HIPK2: variants seen among roughly 807,000 people sequenced by gnomAD.
The protein encoded by HIPK2 is homeodomain interacting protein kinase 2, also known as homeodomain-interacting protein kinase 2.
Under a neutral mutation model 113.7 loss-of-function variants are expected in HIPK2, and 27 were observed. The observed-to-expected ratio is 0.24, with a 90% CI of 0.17 to 0.33. The LOEUF (loss-of-function observed/expected upper bound fraction) is 0.33. Ranked by LOEUF, HIPK2 falls within the 10% of genes least tolerant of loss-of-function variation. The pLI, the probability that HIPK2 is intolerant of heterozygous loss-of-function variation, is 1.00. For synonymous variants in HIPK2, 631 were observed against 642.2 expected (o/e 0.98, Z 0.26); for missense variants, 1,257 against 1,588.0 (o/e 0.79, Z 3.54).
chr7:139,706,955 G>A (rs1377869108), intron 2 of HIPK2, among the ~76,000 whole-genome samples: 1 of 152,160 alleles, frequency 6.6e-6, no homozygotes, highest in Non-Finnish European at 1.5e-5. Flanking sequence ...CTCTGACCCT[G>A]CTCAAGCCCA....
intron 12 of HIPK2, among the ~76,000 whole-genome samples, chr7:139,589,380 T>C (rs1375037903): frequency 2.0e-5 from 3 of 150,818 alleles, no homozygotes; most frequent in African/African-American, 7.4e-5. Flanking sequence ...CCTTAGGATC[T>C]GAGTAGTTTA....
chr7:139,641,992 G>T (rs1801042898), intron 2 of HIPK2, among the ~76,000 whole-genome samples: 1 of 152,196 alleles, frequency 6.6e-6, no homozygotes, highest in African/African-American at 2.4e-5. Context: ...GGCAGCTTAT[G>T]AAGATAAATT....
At chr7:139,682,646 T>C (rs574535355) in intron 2 of HIPK2, among the ~76,000 whole-genome samples, 2 of 152,354 alleles carry the variant, frequency 1.3e-5, no homozygotes, top group East Asian at 3.9e-4. Flanking sequence ...CACCATGTCC[T>C]GCCACACAGT....
chr7:139,684,706 G>C (rs138954156), intron 2 of HIPK2, among the ~76,000 whole-genome samples: 154 of 152,150 alleles, frequency 1.0e-3, no homozygotes, highest in African/African-American at 3.4e-3. Context: ...AACAGAGAGA[G>C]ACTGTCTTAA....
At chr7:139,705,235 A>G (rs1442645672) in intron 2 of HIPK2, among the ~76,000 whole-genome samples, 1 of 152,254 alleles carries the variant, frequency 6.6e-6, no homozygotes, top group African/African-American at 2.4e-5. Context: ...GAGGCTGGGG[A>G]AAGCATGGTG....
intron 10 of HIPK2, among the ~76,000 whole-genome samples, chr7:139,603,191 T>G (rs1197031030): frequency 6.6e-6 from 1 of 150,824 alleles, no homozygotes; most frequent in Non-Finnish European, 1.5e-5. Context: ...GAATAAGAAC[T>G]GTGGGAGGTT....
At chr7:139,632,326 T>C (rs1237863260) in intron 2 of HIPK2, among the ~76,000 whole-genome samples, 1 of 152,252 alleles carries the variant, frequency 6.6e-6, no homozygotes, top group African/African-American at 2.4e-5. Context: ...CGAGGTATTC[T>C]ATCTTCAGGA....
At position 139,716,127 on chromosome 7, in the gene HIPK2, G is replaced by A; in HGVS notation, c.908C>T (p.Pro303Leu). The change falls in exon 2 of 15, where the codon CCA (proline) becomes CTA (leucine). Residue 303 changes from proline to leucine, a missense_variant. Coordinates refer to ENST00000406875, the MANE Select transcript of HIPK2 (RefSeq NM_022740.5). This position sits in a 1 kb window ranked among gnomAD's most constrained non-coding sequence, Gnocchi z 9.3. ...FSPLPLKYIR[P>L]VLQQVATALM... The stretch of plus-strand genomic sequence containing the variant: ...GGCTGTGGCTACCTGCTGGAGAACT[G>A]GGCGAATGTATTTGAGGGGCAAGGG... 6.2e-7 allele frequency: 1 copy of A among 1,614,034 alleles called. No individual in the cohort carries two copies. The highest frequency in any genetic ancestry group is 8.5e-7 in the Non-Finnish European group (1 of 1,179,932).
intron 12 of HIPK2, among the ~76,000 whole-genome samples, chr7:139,588,121 C>T (rs1798898261): frequency 6.6e-6 from 1 of 151,864 alleles, no homozygotes; most frequent in Admixed American, 6.6e-5. Flanking sequence ...AGTTCGACAC[C>T]AGCCTGGCCA....
intron 2 of HIPK2, among the ~76,000 whole-genome samples, chr7:139,700,628 A>G (rs1381623956): frequency 6.6e-6 from 1 of 152,182 alleles, no homozygotes; most frequent in Non-Finnish European, 1.5e-5. Flanking sequence ...TCAATCTATA[A>G]ATGATATTTC....
chr7:139,751,590 AGATGGATGGATGGATGGATG>A (rs36202472), intron 1 of HIPK2, among the ~76,000 whole-genome samples: 2 of 145,986 alleles, frequency 1.4e-5, no homozygotes, highest in Non-Finnish European at 3.0e-5. Context: ...TTGGATGGAT[AGATGGATGGATGGATGGATG>A]GATGGATGGA....
chr7:139,625,811 G>A (rs563076536), intron 6 of HIPK2, among the ~76,000 whole-genome samples: 3 of 152,316 alleles, frequency 2.0e-5, no homozygotes, highest in Admixed American at 6.5e-5. Flanking sequence ...GGGCAGGGCC[G>A]TCTGCTCTGC....
chr7:139,761,644 G>A (rs1796465918), intron 1 of HIPK2, among the ~76,000 whole-genome samples: 1 of 152,190 alleles, frequency 6.6e-6, no homozygotes, highest in African/African-American at 2.4e-5. Flanking sequence ...ATAAGAGACT[G>A]TGCTGGATTA....
intron 2 of HIPK2, among the ~76,000 whole-genome samples, chr7:139,686,184 G>A (rs1017455623): frequency 1.3e-5 from 2 of 152,232 alleles, no homozygotes; most frequent in Non-Finnish European, 2.9e-5. Context: ...CTTCAGTGGT[G>A]TAAGTCACTG....
rs541813128 is a variant in HIPK2, at chr7:139,568,119, C to T, written c.*4808G>A. 4 of 152,490 alleles carry T rather than the reference C, an allele frequency of 2.6e-5. No individual in the cohort carries two copies. In the South Asian group the frequency reaches 8.3e-4, roughly 32 times the overall value. 9.4% of individuals were successfully genotyped at this position (152,490 alleles called of 1,614,324 possible). A position where few individuals can be genotyped will look rare whatever the true frequency, so the allele number is the denominator to read the frequency against. On this transcript the variant is annotated 3_prime_UTR_variant, in exon 15 of 15. Transcript: ENST00000406875. The stretch of plus-strand genomic sequence containing the variant: ...CAAGGTCCAACCAAGGGAAATCGTT[C>T]TGTCAGCAGTTGGGCTAATCTCCCC...
chr7:139,662,374 T>C (rs1396058022), intron 2 of HIPK2, among the ~76,000 whole-genome samples: 1 of 152,240 alleles, frequency 6.6e-6, no homozygotes, highest in Non-Finnish European at 1.5e-5. Flanking sequence ...GAGAATGTTA[T>C]GAAGAAAATA....
chr7:139,629,419 C>A (rs1272154106), intron 4 of HIPK2, among the ~76,000 whole-genome samples: 1 of 152,232 alleles, frequency 6.6e-6, no homozygotes, highest in East Asian at 1.9e-4. Context: ...ATTTAATAAA[C>A]CCTTATGCAC....
chr7:139,716,882 A>G lies in HIPK2; in HGVS notation c.153T>C (p.Tyr51=), dbSNP rs1795262373. 2 of 1,613,672 alleles carry G rather than the reference A, an allele frequency of 1.2e-6. No individual in the cohort carries two copies. The highest frequency in any genetic ancestry group is 3.3e-5 in the Admixed American group (2 of 59,976). The change falls in exon 2 of 15, where the codon TAT becomes TAC. Residue 51 remains tyrosine, a synonymous_variant. Coordinates refer to ENST00000406875, the MANE Select transcript of HIPK2 (RefSeq NM_022740.5). This position sits in a 1 kb window ranked among gnomAD's most constrained non-coding sequence, Gnocchi z 9.3. ...MTGYGSHSKV[Y]SQSKNIPLSQ... Reference sequence around the variant, plus strand: ...ACAGGGGGATGTTCTTGCTCTGGCTATACACTTTGCTGTGGGAGCCGTACC... The same window carrying G: ...ACAGGGGGATGTTCTTGCTCTGGCTGTACACTTTGCTGTGGGAGCCGTACC...
At chr7:139,711,773 C>CA (rs1419313502) in intron 2 of HIPK2, among the ~76,000 whole-genome samples, 2 of 151,720 alleles carry the variant, frequency 1.3e-5, no homozygotes, top group Non-Finnish European at 2.9e-5. Flanking sequence ...TAAAAACAAA[C>CA]AAAATGAACT....
Sources: allele counts gnomAD v4.1 joint callset (sites outside exome capture counted in the v4.1 genomes callset), GRCh38; gene constraint gnomAD v4.1.1; non-coding constraint Gnocchi (gnomAD v3.1); transcripts MANE v1.5; gene names NCBI Gene and HGNC (gene_info 2026-07-23, HGNC 2026-07-21).